Variants in PKP2 observed in about 807,000 individuals in gnomAD.
PKP2 encodes plakophilin-2.
PKP2 carries 73 observed loss-of-function variants against 83.4 expected under a neutral mutation model. The observed-to-expected ratio is 0.88, with a 90% confidence interval of 0.72 to 1.06. The LOEUF is 1.06. PKP2 is among the 50% of genes least tolerant of loss of function. The pLI, the probability that PKP2 is intolerant of heterozygous loss-of-function variation, is 0.00. For missense variants in PKP2, 966 were observed against 1,065.4 expected (o/e 0.91, Z 1.30); for synonymous variants, 409 against 430.4 (o/e 0.95, Z 0.62).
intron 9 of PKP2, among the ~76,000 whole-genome samples, chr12:32,809,114 TG>T (rs1409062422): frequency 6.6e-6 from 1 of 152,162 alleles, no homozygotes. Context: ...GTAGGCAAGC[TG>T]GAACAGCTCA....
At chr12:32,896,086 T>C (rs1188005772) in intron 1 of PKP2, among the ~76,000 whole-genome samples, 3 of 152,108 alleles carry the variant, frequency 2.0e-5, no homozygotes, top group Non-Finnish European at 4.4e-5. Context: ...CATTAATTAT[T>C]TAACAAATCT....
intron 1 of PKP2, among the ~76,000 whole-genome samples, chr12:32,888,213 T>C (rs138550821): frequency 6.6e-6 from 1 of 152,334 alleles, no homozygotes; most frequent in African/African-American, 2.4e-5. Context: ...TCTGTAACTG[T>C]GTCTTTACTT....
intron 1 of PKP2, among the ~76,000 whole-genome samples, chr12:32,894,985 G>A (rs529040951): frequency 7.9e-5 from 12 of 152,166 alleles, no homozygotes; most frequent in Admixed American, 2.0e-4. Context: ...AGGGGGCCAC[G>A]GAGAGGCTTA....
intron 9 of PKP2, among the ~76,000 whole-genome samples, chr12:32,807,633 T>C (rs1956238329): frequency 6.6e-6 from 1 of 152,246 alleles, no homozygotes; most frequent in Non-Finnish European, 1.5e-5. Context: ...CACTGGTCTG[T>C]GTACTTCAGT....
At chr12:32,820,241 T>G (rs536126576) in intron 9 of PKP2, 1 of 152,304 alleles carries the variant, frequency 6.6e-6, no homozygotes, top group South Asian at 2.1e-4. Flanking sequence ...AACATAAATA[T>G]TTTTTGCTAC....
chr12:32,841,086 G>C lies in PKP2; in HGVS notation c.1498C>G (p.Pro500Ala). The C allele has an allele frequency of 1.2e-6, 2 of 1,613,870 alleles. No individual in the cohort carries two copies. The highest frequency in any genetic ancestry group is 1.7e-6 in the Non-Finnish European group (2 of 1,179,864). ...PFSGWPEGDY[P>A]KANGLLDFDI... ...AAATCGAGCAAACCATTTGCTTTTG[G>C]GTAGTCTCCTTCAGGCCACCCAGAA... Residue 500 changes from proline to alanine, a missense_variant, in exon 6 of 13, where the codon CCA becomes GCA. Physicochemically the swap from Pro to Ala is conservative, Grantham distance 27. Transcript: ENST00000340811.
At chr12:32,880,812 T>TA (rs1279878944) in intron 1 of PKP2, among the ~76,000 whole-genome samples, 1 of 152,092 alleles carries the variant, frequency 6.6e-6, no homozygotes, top group Non-Finnish European at 1.5e-5. Flanking sequence ...CTTACTGCCT[T>TA]AAAAAAAGGC....
chr12:32,810,093 G>A (rs560622036), intron 9 of PKP2, among the ~76,000 whole-genome samples: 2 of 152,308 alleles, frequency 1.3e-5, no homozygotes, highest in Admixed American at 1.3e-4. Context: ...GTTCTGTTAT[G>A]AATGCCTGCT....
chr12:32,871,793 C>T (rs1441077735), intron 3 of PKP2, among the ~76,000 whole-genome samples: 2 of 151,778 alleles, frequency 1.3e-5, no homozygotes, highest in East Asian at 1.9e-4. Flanking sequence ...AAAGATGAGG[C>T]CTCCCTATAT....
At chr12:32,800,448 C>T (rs1956168974) in intron 10 of PKP2, among the ~76,000 whole-genome samples, 1 of 152,228 alleles carries the variant, frequency 6.6e-6, no homozygotes, top group African/African-American at 2.4e-5. Flanking sequence ...CAGGCCTGAA[C>T]ACTTTCCTTT....
rs1387021021 is a variant in PKP2 at position 32,791,756 on chromosome 12, A to T, written c.*668T>A. The stretch of plus-strand genomic sequence containing the variant: ...TTTTTATTTTACTTTAAGTTCTGGG[A>T]GGAAAAGACTTCTTTAATTTGCTAT... On this transcript the variant is annotated 3_prime_UTR_variant, in exon 13 of 13. Coordinates refer to ENST00000340811, the MANE Select transcript of PKP2 (RefSeq NM_001005242.3). The T allele has an allele frequency of 6.6e-6, 1 of 152,088 alleles. No individual in the cohort carries two copies. Among genetic ancestry groups the T allele is most frequent in the Non-Finnish European group, 1.5e-5 (1 of 68,028 alleles). 9.4% of individuals were successfully genotyped at this position (152,088 alleles called of 1,614,324 possible). A position where few individuals can be genotyped will look rare whatever the true frequency, so the allele number is the denominator to read the frequency against.
At chr12:32,868,147 T>A (rs1483598155) in intron 4 of PKP2, among the ~76,000 whole-genome samples, 1 of 152,228 alleles carries the variant, frequency 6.6e-6, no homozygotes, top group Non-Finnish European at 1.5e-5. Context: ...CATTTCCGAA[T>A]TGCAGGAAAT....
intron 4 of PKP2, among the ~76,000 whole-genome samples, chr12:32,859,452 C>CTTT (rs542294237): frequency 2.0e-5 from 3 of 149,776 alleles, no homozygotes; most frequent in South Asian, 2.1e-4. Flanking sequence ...TTCTCAGTAA[C>CTTT]TTTTTTTTTT....
At chr12:32,895,007 A>G (rs542458161) in intron 1 of PKP2, among the ~76,000 whole-genome samples, 42 of 152,274 alleles carry the variant, frequency 2.8e-4, no homozygotes, top group African/African-American at 1.0e-3. Flanking sequence ...CATCTAACAA[A>G]TCCCACTTTG....
intron 4 of PKP2, among the ~76,000 whole-genome samples, chr12:32,853,508 C>CTA (rs1956719123): frequency 7.2e-6 from 1 of 138,154 alleles, no homozygotes; most frequent in African/African-American, 2.7e-5. Context: ...TAAATTCATA[C>CTA]TTTTTTTTTT....
At chr12:32,795,421 A>G (rs976531217) in intron 11 of PKP2, among the ~76,000 whole-genome samples, 1 of 151,718 alleles carries the variant, frequency 6.6e-6, no homozygotes, top group Non-Finnish European at 1.5e-5. Flanking sequence ...CACTCTGTCA[A>G]CCAGGCTGGA....
chr12:32,821,620 A>T, intron 8 of PKP2, 91 bp from the exon 9 acceptor site: 1 of 1,269,194 alleles, frequency 7.9e-7, no homozygotes. Context: ...AATACTGTCT[A>T]GAAAGGCTCA....
intron 6 of PKP2, 114 bp from the exon 7 acceptor site, chr12:32,824,276 T>C: frequency 2.6e-6 from 2 of 773,336 alleles, no homozygotes; most frequent in East Asian, 2.5e-5. Flanking sequence ...GGCAAATTTG[T>C]AAAAGTGTGG....
intron 11 of PKP2, among the ~76,000 whole-genome samples, chr12:32,795,383 T>A (rs1011384277): frequency 6.6e-6 from 1 of 151,908 alleles, no homozygotes; most frequent in African/African-American, 2.4e-5. Context: ...GCTGCTTTTT[T>A]TTTTTTTTCT....
Sources: gnomAD v4.1 joint callset for allele counts (sites outside exome capture counted in the v4.1 genomes callset) on GRCh38, gnomAD v4.1.1 for gene constraint, MANE v1.5 for transcripts, NCBI Gene and HGNC (gene_info 2026-07-23, HGNC 2026-07-21) for gene names.